CT55: variants seen among roughly 807,000 people sequenced by gnomAD.
CT55 encodes the protein BRCA2-interacting protein.
A neutral mutation model predicts 12.6 loss-of-function variants in CT55; 1 was observed. The ratio of observed to expected loss-of-function variants is 0.08; its 90% CI spans 0.03 to 0.38. CT55 has a LOEUF of 0.38. CT55 is among the 10% of genes least tolerant of loss of function. The pLI is 0.99. For missense variants in CT55, 109 were observed against 135.4 expected, an observed-to-expected ratio of 0.80 and a Z score of 0.97; for synonymous variants, 43 against 49.7, an observed-to-expected ratio of 0.87 and a Z score of 0.57.
At chrX:135,158,355 T>C in intron 3 of CT55, 44 bp from the exon 4 acceptor site, 1 of 804,180 alleles carries the variant, frequency 1.2e-6, no homozygotes. Flanking sequence ...ATCTCTTAAC[T>C]AGGTCACTTT....
At chrX:135,169,990 T>A (rs2083603718) in intron 1 of CT55, among the ~76,000 whole-genome samples, 1 of 112,038 alleles carries the variant, frequency 8.9e-6, no homozygotes, top group Non-Finnish European at 1.9e-5. Flanking sequence ...TATTAAAATT[T>A]AAAAATTTTA....
intron 2 of CT55, among the ~76,000 whole-genome samples, chrX:135,166,943 T>C (rs2083588474): frequency 8.9e-6 from 1 of 111,965 alleles, no homozygotes; most frequent in Non-Finnish European, 1.9e-5. Flanking sequence ...ACGAAGCAAA[T>C]TGAAGGAGGC....
intron 3 of CT55, 129 bp from the exon 4 acceptor site, chrX:135,158,440 T>C: frequency 2.3e-6 from 1 of 431,327 alleles, no homozygotes; most frequent in Non-Finnish European, 4.0e-6. Context: ...TTTGTGCATA[T>C]TTAAACAGAC....
chrX:135,158,636 A>G (rs782777276), intron 3 of CT55, among the ~76,000 whole-genome samples: 4 of 112,261 alleles, frequency 3.6e-5, no homozygotes, highest in African/African-American at 1.3e-4. Flanking sequence ...AGTCAAACAT[A>G]TAGGTAAGAG....
In CT55 at chrX:135,171,253, T is replaced by C; in HGVS notation, c.-82A>G. Reference sequence around the variant, plus strand: ...CTCCTCAGTAAGGGAAGCCCTCAGGTCACGGCGTCTCCTCAGGGACTCACT... The same window carrying C: ...CTCCTCAGTAAGGGAAGCCCTCAGGCCACGGCGTCTCCTCAGGGACTCACT... On this transcript the variant is annotated 5_prime_UTR_variant, in exon 1 of 6. Transcript: ENST00000276241. The C allele has an allele frequency of 1.7e-6, 2 of 1,175,454 alleles. No homozygotes were observed. The highest frequency in any genetic ancestry group is 2.0e-5 in the South Asian group (1 of 50,578).
chrX:135,167,211 A>G (rs1441154739), intron 2 of CT55, among the ~76,000 whole-genome samples: 1 of 112,198 alleles, frequency 8.9e-6, no homozygotes, highest in Non-Finnish European at 1.9e-5. Context: ...ACAAAGCTAT[A>G]GTAAGCATAA....
intron 2 of CT55, among the ~76,000 whole-genome samples, chrX:135,165,878 G>A (rs1162268956): frequency 1.8e-5 from 2 of 108,222 alleles, no homozygotes; most frequent in Non-Finnish European, 3.8e-5. Flanking sequence ...GTGAAGAAAT[G>A]GAAAATCTGA....
intron 2 of CT55, among the ~76,000 whole-genome samples, chrX:135,163,945 T>G (rs1346719243): frequency 1.8e-5 from 2 of 111,497 alleles, no homozygotes; most frequent in African/African-American, 6.5e-5. Flanking sequence ...TAAGCAAGAA[T>G]AATGTACCCA....
chrX:135,162,720 C>T (rs1569481893), intron 2 of CT55, among the ~76,000 whole-genome samples: 1 of 111,430 alleles, frequency 9.0e-6, no homozygotes, highest in African/African-American at 3.3e-5. Flanking sequence ...TTGACAGATG[C>T]CCATGGCCCC....
chrX:135,158,954 TA>T, intron 3 of CT55, among the ~76,000 whole-genome samples: 1 of 112,412 alleles, frequency 8.9e-6, no homozygotes, highest in East Asian at 2.8e-4. Flanking sequence ...TGTGTTCAAC[TA>T]ATGAACTCTT....
At chrX:135,167,334 C>T (rs192772377) in intron 2 of CT55, among the ~76,000 whole-genome samples, 15 of 112,154 alleles carry the variant, frequency 1.3e-4, no homozygotes, top group African/African-American at 4.8e-4. Flanking sequence ...GGCCCGAGAA[C>T]ACACAATGTT....
chrX:135,158,837 C>T (rs2083549050), intron 3 of CT55, among the ~76,000 whole-genome samples: 1 of 112,388 alleles, frequency 8.9e-6, no homozygotes, highest in African/African-American at 3.2e-5. Context: ...CGCACAGAAT[C>T]ATCGCTGGCG....
chrX:135,169,193 G>C (rs2083599632), intron 2 of CT55, among the ~76,000 whole-genome samples: 1 of 112,386 alleles, frequency 8.9e-6, no homozygotes, highest in Admixed American at 9.4e-5. Context: ...AGAGAGTTTT[G>C]TGGTTGGTGA....
At chrX:135,168,383 TA>T (rs1375486039) in intron 2 of CT55, among the ~76,000 whole-genome samples, 1 of 111,993 alleles carries the variant, frequency 8.9e-6, no homozygotes, top group Admixed American at 9.4e-5. Flanking sequence ...ATGCAGAAGA[TA>T]AAAAAGTTGA....
intron 2 of CT55, among the ~76,000 whole-genome samples, chrX:135,163,413 G>A (rs782753436): frequency 2.7e-5 from 3 of 112,145 alleles, no homozygotes; most frequent in African/African-American, 6.5e-5. Flanking sequence ...AAAATACAGT[G>A]AAGGAAGTAC....
intron 2 of CT55, among the ~76,000 whole-genome samples, chrX:135,163,902 A>G (rs2083572480): frequency 9.0e-6 from 1 of 111,009 alleles, no homozygotes; most frequent in African/African-American, 3.3e-5. Flanking sequence ...AGAGTAGTAT[A>G]GTATACTTTA....
chrX:135,169,441 A>G (rs1468313494), intron 2 of CT55, among the ~76,000 whole-genome samples, 153 bp downstream of exon 2: 1 of 112,122 alleles, frequency 8.9e-6, no homozygotes, highest in Non-Finnish European at 1.9e-5. Flanking sequence ...ACAACAGAAG[A>G]AGCTACAGCT....
chrX:135,170,341 C>G (rs1274984438), intron 1 of CT55, among the ~76,000 whole-genome samples: 4 of 112,351 alleles, frequency 3.6e-5, no homozygotes, highest in Admixed American at 9.4e-5. Context: ...CATCAACTGT[C>G]GAGAGCTCTG....
intron 2 of CT55, among the ~76,000 whole-genome samples, chrX:135,164,751 G>T (rs1219732788): frequency 1.8e-5 from 2 of 112,054 alleles, no homozygotes; most frequent in African/African-American, 6.5e-5. Context: ...ATTCTTCCAT[G>T]TAAAGGGAAA....
Sources: allele counts gnomAD v4.1 joint callset (sites outside exome capture counted in the v4.1 genomes callset), GRCh38; gene constraint gnomAD v4.1.1; transcripts MANE v1.5; gene names NCBI Gene and HGNC (gene_info 2026-07-23, HGNC 2026-07-21).